GXYLT2: variants seen among roughly 807,000 people sequenced by gnomAD.
GXYLT2 encodes the protein glycosyltransferase 8 domain containing 4.
A neutral mutation model predicts 45.8 loss-of-function variants in GXYLT2; 53 were observed. That is an observed-to-expected ratio of 1.16 (90% CI 0.93 to 1.46). The LOEUF is 1.46. Ranked by LOEUF, GXYLT2 falls within the 40% of genes most tolerant of loss-of-function variation. The probability of loss-of-function intolerance (pLI) is 0.00; values close to 1 mark genes in which losing one functional copy is unlikely to be tolerated. For synonymous variants in GXYLT2, 219 were observed against 214.2 expected (o/e 1.02, Z -0.19); for missense variants, 551 against 544.4 (o/e 1.01, Z -0.12).
chr3:72,969,141 G>A (rs536135335), intron 6 of GXYLT2, among the ~76,000 whole-genome samples: 2 of 152,086 alleles, frequency 1.3e-5, no homozygotes, highest in East Asian at 3.9e-4. Flanking sequence ...GGAGAAAATA[G>A]GGTGGGAATG....
At chr3:72,903,733 G>A (rs1448509262) in intron 1 of GXYLT2, among the ~76,000 whole-genome samples, 1 of 152,154 alleles carries the variant, frequency 6.6e-6, no homozygotes, top group African/African-American at 2.4e-5. Context: ...GCAACAAGGA[G>A]GGAATGGGTT....
At chr3:72,918,970 C>A (rs1709785328) in intron 2 of GXYLT2, among the ~76,000 whole-genome samples, 1 of 152,162 alleles carries the variant, frequency 6.6e-6, no homozygotes, top group Non-Finnish European at 1.5e-5. Context: ...AAATCTAGAA[C>A]CCTGACAACA....
chr3:72,958,271 T>A (rs1452843415), intron 5 of GXYLT2, among the ~76,000 whole-genome samples: 28 of 79,094 alleles, frequency 3.5e-4, no homozygotes, highest in African/African-American at 1.0e-3. Flanking sequence ...AGACTCTGTC[T>A]CAAAAAAAAA....
chr3:72,950,880 A>T (rs527899613), intron 3 of GXYLT2, among the ~76,000 whole-genome samples: 51 of 152,270 alleles, frequency 3.3e-4, no homozygotes, highest in African/African-American at 1.2e-3. Context: ...GGTTCACTGG[A>T]GGTGGGTGCC....
rs941006276 is a variant in GXYLT2 at position 72,967,536 on chromosome 3, T to G, written c.977-11T>G. On this transcript the variant is annotated splice_polypyrimidine_tract_variant and intron_variant, in intron 5 of 6. Coordinates refer to ENST00000389617, the MANE Select transcript of GXYLT2 (RefSeq NM_001080393.2). ...CCGTGGACATATATGTCTTTCTCTTTTTACCACCAGAGTGTCTCTATGTAT... is the reference window on the plus strand; with the variant it reads ...CCGTGGACATATATGTCTTTCTCTTGTTACCACCAGAGTGTCTCTATGTAT... The G allele has an allele frequency of 7.4e-6, 12 of 1,611,092 alleles. No individual in the cohort carries two copies. In the African/African-American group the frequency reaches 1.6e-4, roughly 22 times the overall value.
At chr3:72,974,218 T>C (rs190781438) in intron 6 of GXYLT2, among the ~76,000 whole-genome samples, 7 of 152,344 alleles carry the variant, frequency 4.6e-5, no homozygotes, top group Admixed American at 3.9e-4. Context: ...TATTTTGGGT[T>C]ATACTGCTCA....
At chr3:72,890,070 C>T (rs1390148659) in intron 1 of GXYLT2, among the ~76,000 whole-genome samples, 1 of 152,116 alleles carries the variant, frequency 6.6e-6, no homozygotes, top group African/African-American at 2.4e-5. Flanking sequence ...CAGGCGTGTG[C>T]CACCATGCCC....
At position 72,888,265 on chromosome 3, in the gene GXYLT2, T is replaced by C; in HGVS notation, c.32T>C (p.Leu11Pro). Residue 11 changes from leucine to proline, a missense_variant, in exon 1 of 7, where the codon CTC becomes CCC. By Grantham distance (98) the Leu-to-Pro change is moderately conservative (BLOSUM62 -3). Transcript: ENST00000389617. ...CTCCGCAGCAAGGCGGCGGCGCTGCTCTTGCTCGCGCTGGCCGCGCTGCTG... is the reference window on the plus strand; with the variant it reads ...CTCCGCAGCAAGGCGGCGGCGCTGCCCTTGCTCGCGCTGGCCGCGCTGCTG... MKLRSKAAAL[L>P]LLALAALLLA... is the part of the protein sequence containing the mutation. The C allele has an allele frequency of 2.0e-6, 2 of 994,604 alleles. No homozygotes were observed. Among genetic ancestry groups the C allele is most frequent in the Non-Finnish European group, 2.4e-6 (2 of 838,752 alleles). 61.6% of individuals were successfully genotyped at this position (994,604 alleles called of 1,614,324 possible).
chr3:72,929,435 G>C lies in GXYLT2; in HGVS notation c.600+7100G>C, dbSNP rs533827181. 55 of 1,427,660 alleles carry C rather than the reference G, an allele frequency of 3.9e-5. No individual in the cohort carries two copies. The African/African-American group carries it at 5.9e-4, about 15-fold the overall frequency. 88.4% of individuals were successfully genotyped at this position (1,427,660 alleles called of 1,614,324 possible). A position where few individuals can be genotyped will look rare whatever the true frequency, so the allele number is the denominator to read the frequency against. ...CCAGTGACAAAAATGACCCCCATTT[G>C]TGTGACTTCATTGAGACACATTACC... On this transcript the variant is annotated intron_variant, in intron 3 of 6. Transcript: ENST00000389617.
chr3:72,930,489 T>G, intron 3 of GXYLT2, among the ~76,000 whole-genome samples: 1 of 125,362 alleles, frequency 8.0e-6, no homozygotes, highest in Admixed American at 8.8e-5. Flanking sequence ...GTAACAGGAG[T>G]GAAACCCTGT....
At chr3:72,947,421 G>A (rs1262054567) in intron 3 of GXYLT2, among the ~76,000 whole-genome samples, 1 of 152,150 alleles carries the variant, frequency 6.6e-6, no homozygotes, top group Non-Finnish European at 1.5e-5. Context: ...GAACACTGGT[G>A]ACAGCAAACT....
Position 72,954,813 on chromosome 3 carries a change from G to T in GXYLT2, c.601-285G>T, listed in dbSNP as rs573290581. Reference sequence around the variant, plus strand: ...AATTTGCTGATGTTTTCTTTTTTTTGTAAGTTCAACCCTTATCAAATATAG... The same window carrying T: ...AATTTGCTGATGTTTTCTTTTTTTTTTAAGTTCAACCCTTATCAAATATAG... On this transcript the variant is annotated intron_variant, in intron 3 of 6. Coordinates refer to ENST00000389617, the MANE Select transcript of GXYLT2 (RefSeq NM_001080393.2). Among the ~76,000 whole-genome samples the T allele has an allele frequency of 3.3e-5, 5 of 151,966 alleles. No homozygotes were observed. In the South Asian group the frequency reaches 8.3e-4, roughly 25 times the overall value.
Position 72,922,272 on chromosome 3 carries a change from T to C in GXYLT2, c.537T>C (p.Val179=). The C allele has an allele frequency of 6.2e-7, 1 of 1,613,910 alleles. No homozygotes were observed. Among genetic ancestry groups the C allele is most frequent in the Non-Finnish European group, 8.5e-7 (1 of 1,179,812 alleles). ...GAATCTACCCCATCACATTTTCTGTTGGAAACCCTCAGGAGTGGAAGAAAT... is the reference window on the plus strand; with the variant it reads ...GAATCTACCCCATCACATTTTCTGTCGGAAACCCTCAGGAGTGGAAGAAAT... ...EHRIYPITFS[V]GNPQEWKKLF... The change falls in exon 3 of 7, where the codon GTT becomes GTC. Residue 179 remains valine, a synonymous_variant. Coordinates refer to ENST00000389617, the MANE Select transcript of GXYLT2 (RefSeq NM_001080393.2).
intron 3 of GXYLT2, among the ~76,000 whole-genome samples, chr3:72,944,756 A>G (rs1391458103): frequency 6.6e-6 from 1 of 151,746 alleles, no homozygotes. Flanking sequence ...CTGAATGACA[A>G]CTTTGTCTTT....
chr3:72,918,374 A>G (rs1312395102), intron 2 of GXYLT2, among the ~76,000 whole-genome samples: 5 of 152,174 alleles, frequency 3.3e-5, no homozygotes, highest in Non-Finnish European at 7.3e-5. Context: ...TCTGGAGCTT[A>G]CTTAACCAAA....
At chr3:72,942,799 A>G (rs1274174293) in intron 3 of GXYLT2, among the ~76,000 whole-genome samples, 1 of 151,998 alleles carries the variant, frequency 6.6e-6, no homozygotes, top group Non-Finnish European at 1.5e-5. Flanking sequence ...AGATTGGAGG[A>G]GACTAAGGAG....
At chr3:72,968,847 G>A (rs1710926464) in intron 6 of GXYLT2, among the ~76,000 whole-genome samples, 1 of 152,148 alleles carries the variant, frequency 6.6e-6, no homozygotes, top group African/African-American at 2.4e-5. Context: ...GGATCACGAG[G>A]TCAGGAGATC....
chr3:72,963,669 AT>A (rs34028884), intron 5 of GXYLT2, among the ~76,000 whole-genome samples: 262 of 123,366 alleles, frequency 2.1e-3, no homozygotes, highest in African/African-American at 5.9e-3. Flanking sequence ...TGCCTAGCTA[AT>A]TTTTTTTTTT....
intron 2 of GXYLT2, among the ~76,000 whole-genome samples, chr3:72,909,485 T>C (rs1240281342): frequency 1.3e-5 from 2 of 152,142 alleles, no homozygotes; most frequent in African/African-American, 4.8e-5. Flanking sequence ...TTTACGAAAA[T>C]CAGGATTGTA....
Sources: allele counts gnomAD v4.1 joint callset (sites outside exome capture counted in the v4.1 genomes callset), GRCh38; gene constraint gnomAD v4.1.1; transcripts MANE v1.5; gene names NCBI Gene and HGNC (gene_info 2026-07-23, HGNC 2026-07-21).